HAGH: variants seen among roughly 807,000 people sequenced by gnomAD.
The protein encoded by HAGH is hydroxyacylglutathione hydrolase, mitochondrial.
A neutral mutation model predicts 35.1 loss-of-function variants in HAGH; 29 were observed. The observed-to-expected ratio is 0.83, with a 90% confidence interval of 0.62 to 1.13. The LOEUF (loss-of-function observed/expected upper bound fraction) is 1.13. Among genes scored for constraint, HAGH ranks in the 50% most tolerant of loss-of-function variants. The pLI, the probability that HAGH is intolerant of heterozygous loss-of-function variation, is 0.00. For synonymous variants in HAGH, 225 were observed against 176.1 expected, an observed-to-expected ratio of 1.28 and a Z score of -2.20; for missense variants, 478 against 419.6, an observed-to-expected ratio of 1.14 and a Z score of -1.22.
Position 1,826,707 on chromosome 16 carries a change from C to T in HAGH, c.76+5G>A, listed in dbSNP as rs1186667545. 3 of 1,094,544 alleles carry T rather than the reference C, an allele frequency of 2.7e-6. No individual in the cohort carries two copies. Among genetic ancestry groups the T allele is most frequent in the East Asian group, 5.1e-5 (1 of 19,748 alleles). 67.8% of individuals were successfully genotyped at this position (1,094,544 alleles called of 1,614,324 possible). Reference sequence around the variant, plus strand: ...CCCCGGCCCGCACCGCCCCGCCGCACCCACCGAGGCCTCGGCGGGCGCAGG... The same window carrying T: ...CCCCGGCCCGCACCGCCCCGCCGCATCCACCGAGGCCTCGGCGGGCGCAGG... On this transcript the variant is annotated splice_donor_5th_base_variant and intron_variant, in intron 1 of 8. Coordinates refer to ENST00000397356, the MANE Select transcript of HAGH (RefSeq NM_005326.6).
chr16:1,826,752 G>A lies in HAGH; in HGVS notation c.36C>T (p.Ser12=). The A allele has an allele frequency of 1.3e-5, 16 of 1,201,728 alleles. No homozygotes were observed. Among genetic ancestry groups the A allele is most frequent in the East Asian group, 3.4e-5 (1 of 29,480 alleles). The allele number at this position is 1,201,728 out of a possible 1,614,324, so 74.4% of individuals were successfully genotyped here. Residue 12 remains serine, a synonymous_variant, in exon 1 of 9, where the codon AGC becomes AGT. Coordinates refer to ENST00000397356, the MANE Select transcript of HAGH (RefSeq NM_005326.6). ...VVGRGLLGRR[S]LAALGAACAR... Reference sequence around the variant, plus strand: ...CGCAGGCGGCTCCCAGCGCGGCGAGGCTGCGGCGGCCGAGCAGCCCTCGGC... The same window carrying A: ...CGCAGGCGGCTCCCAGCGCGGCGAGACTGCGGCGGCCGAGCAGCCCTCGGC...
chr16:1,826,743 C>G lies in HAGH; in HGVS notation c.45G>C (p.Ala15=). The change falls in exon 1 of 9, where the codon GCG becomes GCC. Residue 15 remains alanine (A), a synonymous_variant. Transcript: ENST00000397356. ...CTCGGCGGGCGCAGGCGGCTCCCAG[C>G]GCGGCGAGGCTGCGGCGGCCGAGCA... ...RGLLGRRSLA[A]LGAACARRGL... 8.4e-7 allele frequency: 1 copy of G among 1,189,574 alleles called. No homozygotes were observed. The highest frequency in any genetic ancestry group is 3.5e-5 in the East Asian group (1 of 28,478). 73.7% of individuals were successfully genotyped at this position (1,189,574 alleles called of 1,614,324 possible). A position where few individuals can be genotyped will look rare whatever the true frequency, so the allele number is the denominator to read the frequency against.
intron 1 of HAGH, chr16:1,826,489 AGGCCT>A: frequency 1.1e-6 from 1 of 910,282 alleles, no homozygotes; most frequent in Non-Finnish European, 1.3e-6. Flanking sequence ...CGGCGGACGC[AGGCCT>A]GGCCCTGCTT....
At chr16:1,812,514 A>AAAAAAC (rs1421984420) in intron 7 of HAGH, 1 of 3,420 alleles carries the variant, frequency 2.9e-4, no homozygotes. Flanking sequence ...CAAAAAAAAA[A>AAAAAAC]AAAAACAAAA....
At chr16:1,819,087 C>T (rs1344872082) in intron 5 of HAGH, 28 bp downstream of exon 5, 1 of 1,419,416 alleles carries the variant, frequency 7.0e-7, no homozygotes, top group African/African-American at 1.4e-5. Flanking sequence ...CGAAGAACCC[C>T]CGCCCCCACC....
chr16:1,826,663 G>A, intron 1 of HAGH, 49 bp downstream of exon 1: 1 of 963,536 alleles, frequency 1.0e-6, no homozygotes, highest in South Asian at 4.6e-5. Context: ...CCCGCTGCCC[G>A]CCCCGCCAGG....
intron 7 of HAGH, among the ~76,000 whole-genome samples, chr16:1,812,660 T>A (rs1489922594): frequency 6.6e-6 from 1 of 152,046 alleles, no homozygotes. Context: ...AGGAGAAAAT[T>A]TTTTGACCTT....
intron 7 of HAGH, among the ~76,000 whole-genome samples, chr16:1,816,434 G>A (rs1360715893): frequency 2.6e-5 from 4 of 152,166 alleles, no homozygotes; most frequent in African/African-American, 7.2e-5. Context: ...GTGCGTGCTT[G>A]TGACACCGTT....
At chr16:1,815,317 C>G (rs1036159145) in intron 7 of HAGH, among the ~76,000 whole-genome samples, 4 of 152,182 alleles carry the variant, frequency 2.6e-5, no homozygotes, top group African/African-American at 9.7e-5. Context: ...CACAGCAATT[C>G]CACTCTTAGG....
intron 1 of HAGH, among the ~76,000 whole-genome samples, chr16:1,825,696 C>G (rs965149601): frequency 2.6e-5 from 4 of 152,176 alleles, no homozygotes; most frequent in African/African-American, 9.6e-5. Flanking sequence ...ACCTCAGCCT[C>G]CAAAGTGACT....
chr16:1,815,334 C>A (rs1316362275), intron 7 of HAGH, among the ~76,000 whole-genome samples: 1 of 152,180 alleles, frequency 6.6e-6, no homozygotes, highest in African/African-American at 2.4e-5. Context: ...TAGGTAGTAT[C>A]CAAGAGCAAT....
At chr16:1,817,115 C>A (rs1897935236) in intron 6 of HAGH, 53 bp downstream of exon 6, 1 of 1,382,422 alleles carries the variant, frequency 7.2e-7, no homozygotes, top group Non-Finnish European at 1.0e-6. Context: ...GGAGAGCAGC[C>A]CCGCCCTGGT....
chr16:1,810,257 G>A (rs1657109), intron 7 of HAGH: 128,779 of 172,258 alleles, frequency 0.75, 48,374 homozygotes, highest in Middle Eastern at 0.83. Context: ...GTGTGCGCGT[G>A]TGGAAGAGGG....
At chr16:1,821,952 G>GTTTTT in intron 3 of HAGH, 1 of 103,562 alleles carries the variant, frequency 9.7e-6, no homozygotes, top group Non-Finnish European at 2.1e-5. Flanking sequence ...TTGTTTTTTT[G>GTTTTT]TTTTTTTTTT....
chr16:1,822,167 T>C, intron 3 of HAGH, 133 bp downstream of exon 3: 1 of 668,480 alleles, frequency 1.5e-6, no homozygotes, highest in Non-Finnish European at 2.7e-6. Context: ...CGGGTCTTTC[T>C]CAGAAGTCTG....
intron 3 of HAGH, chr16:1,821,697 G>A (rs11862103): frequency 0.055 from 8,354 of 152,318 alleles, 250 homozygotes; most frequent in East Asian, 0.12. Context: ...GCAATGCCAC[G>A]ATCTTGGCTC....
At chr16:1,821,953 T>TTTG (rs1567261691) in intron 3 of HAGH, 4,006 of 101,510 alleles carry the variant, frequency 0.039, 57 homozygotes, top group Middle Eastern at 0.097. Flanking sequence ...TGTTTTTTTG[T>TTTG]TTTTTTTTTT....
intron 7 of HAGH, 96 bp downstream of exon 7, chr16:1,816,797 C>A: frequency 1.3e-6 from 1 of 763,084 alleles, no homozygotes; most frequent in Admixed American, 2.0e-5. Context: ...TCTCTGGGCT[C>A]AGAGTGTGAG....
chr16:1,817,319 C>T (rs777000157), intron 5 of HAGH, 48 bp from the exon 6 acceptor site: 1 of 1,212,200 alleles, frequency 8.2e-7, no homozygotes, highest in Non-Finnish European at 1.2e-6. Context: ...AGGCTGGTGG[C>T]TAGGACTCAG....
Sources: allele counts gnomAD v4.1 joint callset (sites outside exome capture counted in the v4.1 genomes callset), GRCh38; gene constraint gnomAD v4.1.1; transcripts MANE v1.5; gene names NCBI Gene and HGNC (gene_info 2026-07-23, HGNC 2026-07-21).